The following F8 variants were observed in gnomAD, a reference collection of about 807,000 sequenced individuals.
F8 encodes the protein antihemophilic factor.
A neutral mutation model predicts 140.6 loss-of-function variants in F8; 12 were observed. The observed-to-expected ratio is 0.09, with a 90% CI of 0.05 to 0.14. The LOEUF is 0.14. Among genes scored for constraint, F8 ranks in the 10% least tolerant of loss-of-function variants. The pLI is 1.00. For missense variants in F8, 1,354 were observed against 1,720.7 expected (o/e 0.79, Z 3.77); for synonymous variants, 585 against 614.6 (o/e 0.95, Z 0.71).
chrX:154,925,859 G>A (rs963017384), intron 14 of F8, among the ~76,000 whole-genome samples: 12 of 112,107 alleles, frequency 1.1e-4, no homozygotes, highest in African/African-American at 3.9e-4. Context: ...TTATGACTTT[G>A]GGGGACTGTT....
rs782092227 is a variant in F8 at position 154,929,210 on chromosome X, G to A, written c.4580C>T (p.Thr1527Met). The A allele has an allele frequency of 1.2e-4, 148 of 1,209,842 alleles. No homozygotes were observed. In the South Asian group the frequency reaches 2.5e-3, roughly 20 times the overall value. Reference protein sequence around the residue: ...VHIYQKDLFPTETSNGSPGHL... With the variant: ...VHIYQKDLFPMETSNGSPGHL... Reference sequence around the variant, plus strand: ...GCCAGGAGACCCATTGCTAGTTTCCGTAGGGAATAGGTCCTTCTGATAAAT... The same window carrying A: ...GCCAGGAGACCCATTGCTAGTTTCCATAGGGAATAGGTCCTTCTGATAAAT... Residue 1527 changes from threonine (T) to methionine (M), a missense_variant, in exon 14 of 26, where the codon ACG becomes ATG. Thr to Met is a moderately conservative substitution (Grantham distance 81). This residue lies in a region of F8 where 658 missense variants were observed against 666.5 expected (regional missense o/e 0.99). Coordinates refer to ENST00000360256, the MANE Select transcript of F8 (RefSeq NM_000132.4).
chrX:155,009,059 G>C (rs1295738997), intron 1 of F8, among the ~76,000 whole-genome samples: 1 of 111,246 alleles, frequency 9.0e-6, no homozygotes, highest in Non-Finnish European at 1.9e-5. Context: ...TCTACATCTA[G>C]GGAACACAAC....
rs781949988 is a variant in F8, at chrX:154,846,355, G to A, written c.6901-8603C>T. Reference sequence around the variant, plus strand: ...GATATCCTTGTTAACTTTCTGTCTCGTTGAACTGTCTAATGTTGACAGTGG... The same window carrying A: ...GATATCCTTGTTAACTTTCTGTCTCATTGAACTGTCTAATGTTGACAGTGG... On this transcript the variant is annotated intron_variant, in intron 25 of 25. Transcript: ENST00000360256. Among the ~76,000 whole-genome samples, 226 of 111,590 alleles carry A rather than the reference G, an allele frequency of 2.0e-3. 1 individual carries two copies. Among genetic ancestry groups the A allele is most frequent in the African/African-American group, 6.9e-3 (212 of 30,702 alleles).
chrX:155,022,671 C>T lies in F8; in HGVS notation c.-119G>A. 8.6e-7 allele frequency: 1 copy of T among 1,166,909 alleles called. No homozygotes were observed. Among genetic ancestry groups the T allele is most frequent in the Non-Finnish European group, 1.1e-6 (1 of 876,898 alleles). ...CTGATTTAATGAAAAGTCCCAATTT[C>T]TTTGCAGAGCATTTTAAGGAACTTT... On this transcript the variant is annotated 5_prime_UTR_variant, in exon 1 of 26. Coordinates refer to ENST00000360256, the MANE Select transcript of F8 (RefSeq NM_000132.4).
chrX:154,976,790 T>C (rs969537363), intron 6 of F8, among the ~76,000 whole-genome samples: 14 of 111,691 alleles, frequency 1.3e-4, no homozygotes, highest in Non-Finnish European at 2.3e-4. Flanking sequence ...ATGGAGGAAA[T>C]TGGAAATCAT....
intron 3 of F8, among the ~76,000 whole-genome samples, chrX:154,996,238 G>T (rs1181924923): frequency 9.0e-6 from 1 of 111,514 alleles, no homozygotes; most frequent in Non-Finnish European, 1.9e-5. Flanking sequence ...TACATGTTTA[G>T]GGTAGGATCA....
At chrX:154,854,361 C>T (rs1223583419) in intron 25 of F8, among the ~76,000 whole-genome samples, 2 of 112,711 alleles carry the variant, frequency 1.8e-5, no homozygotes, top group African/African-American at 6.4e-5. Flanking sequence ...AAAAGGCTTA[C>T]TGTCCTCTTA....
chrX:154,841,985 A>G (rs1289314981), intron 25 of F8, among the ~76,000 whole-genome samples: 1 of 111,915 alleles, frequency 8.9e-6, no homozygotes, highest in African/African-American at 3.2e-5. Context: ...CAAGGTTAAT[A>G]TTATTTCTCC....
intron 22 of F8, among the ~76,000 whole-genome samples, chrX:154,864,690 G>T (rs2072718722): frequency 8.9e-6 from 1 of 112,085 alleles, no homozygotes; most frequent in Non-Finnish European, 1.9e-5. Context: ...TATAGCTGAA[G>T]AATGACTGAA....
intron 6 of F8, among the ~76,000 whole-genome samples, chrX:154,978,048 C>A (rs782565412): frequency 3.7e-5 from 4 of 109,333 alleles, no homozygotes; most frequent in South Asian, 7.8e-4. Flanking sequence ...TATTGTTGAA[C>A]CTTTCAAATC....
At chrX:154,954,479 G>T (rs1167721921) in intron 11 of F8, among the ~76,000 whole-genome samples, 2 of 111,662 alleles carry the variant, frequency 1.8e-5, no homozygotes, top group Non-Finnish European at 3.8e-5. Context: ...CTTCCACAAG[G>T]CTATAAAAAA....
rs782589338 is a variant in F8 at position 154,991,361 on chromosome X, T to C, written c.601+1575A>G. Among the ~76,000 whole-genome samples, 16 of 112,555 alleles carry C rather than the reference T, an allele frequency of 1.4e-4. No individual in the cohort carries two copies. The South Asian group carries it at 5.9e-3, about 41-fold the overall frequency. ...AGGAATACTAGAGTGGGGAAAAAGG[T>C]ATACTCCCCCACAAGTTTGGTAATA... On this transcript the variant is annotated intron_variant, in intron 4 of 25. Coordinates refer to ENST00000360256, the MANE Select transcript of F8 (RefSeq NM_000132.4).
chrX:154,892,238 C>T (rs1557275223), intron 22 of F8, among the ~76,000 whole-genome samples: 4 of 112,634 alleles, frequency 3.6e-5, no homozygotes, highest in African/African-American at 1.3e-4. Context: ...CTCAAAAGCT[C>T]TATGCATGCA....
At chrX:154,947,224 G>GAAAAAAAAAAAAA (rs781928603) in intron 13 of F8, among the ~76,000 whole-genome samples, 5 of 17,841 alleles carry the variant, frequency 2.8e-4, no homozygotes, top group African/African-American at 6.8e-4. Flanking sequence ...GACTCCGTCT[G>GAAAAAAAAAAAAA]AAAAAAAAAA....
chrX:154,993,684 C>A (rs144054008), intron 3 of F8, among the ~76,000 whole-genome samples: 2 of 112,388 alleles, frequency 1.8e-5, no homozygotes, highest in East Asian at 5.6e-4. Flanking sequence ...GTTGATATCT[C>A]CACATTCTGT....
chrX:154,949,105 C>T (rs1557280534), intron 12 of F8, among the ~76,000 whole-genome samples: 2 of 112,027 alleles, frequency 1.8e-5, no homozygotes, highest in Non-Finnish European at 3.8e-5. Flanking sequence ...CACTTCATTT[C>T]ACATAACTAA....
chrX:154,908,570 C>T (rs1409987026), intron 14 of F8, among the ~76,000 whole-genome samples: 1 of 112,370 alleles, frequency 8.9e-6, no homozygotes, highest in African/African-American at 3.2e-5. Flanking sequence ...TTTTCCAATT[C>T]ATGTACGTGG....
At chrX:154,962,339 A>G (rs1178884899) in intron 9 of F8, among the ~76,000 whole-genome samples, 1 of 111,964 alleles carries the variant, frequency 8.9e-6, no homozygotes, top group African/African-American at 3.2e-5. Flanking sequence ...AATTGTTTCA[A>G]TTGCTTCAGG....
At position 155,005,071 on chromosome X, in the gene F8, G is replaced by A. The variant is rs182516567; in HGVS notation, c.144-5471C>T. On this transcript the variant is annotated intron_variant, in intron 1 of 25. Coordinates refer to ENST00000360256, the MANE Select transcript of F8 (RefSeq NM_000132.4). ...CTCTTATCCCAACTCTGGGCTCTGAGAGTTTAGAAGTACTGGTTCTTAAAA... is the reference window on the plus strand; with the variant it reads ...CTCTTATCCCAACTCTGGGCTCTGAAAGTTTAGAAGTACTGGTTCTTAAAA... 7.8e-4 allele frequency among the ~76,000 whole-genome samples: 87 copies of A among 111,960 alleles called. 1 individual carries two copies. Among genetic ancestry groups the A allele is most frequent in the Middle Eastern group, 4.7e-3 (1 of 215 alleles).
Sources: allele counts gnomAD v4.1 joint callset (sites outside exome capture counted in the v4.1 genomes callset), GRCh38; gene constraint gnomAD v4.1.1; regional missense constraint gnomAD v4.1.1; transcripts MANE v1.5; gene names NCBI Gene and HGNC (gene_info 2026-07-23, HGNC 2026-07-21).